KNSTRN: variants seen among roughly 807,000 people sequenced by gnomAD.
The protein encoded by KNSTRN is small kinetochore-associated protein.
Under a neutral mutation model 44.7 loss-of-function variants are expected in KNSTRN, and 38 were observed. That is an observed-to-expected ratio of 0.85 (90% CI 0.66 to 1.11). KNSTRN has a LOEUF of 1.11. Ranked by LOEUF, KNSTRN falls within the 50% of genes most tolerant of loss-of-function variation. KNSTRN has a pLI of 0.00. For synonymous variants in KNSTRN, 158 were observed against 148.1 expected (o/e 1.07, Z -0.48); for missense variants, 406 against 375.8 (o/e 1.08, Z -0.66).
At chr15:40,383,370 G>A (rs1478164639) in intron 2 of KNSTRN, 48 bp downstream of exon 2, 1 of 1,467,528 alleles carries the variant, frequency 6.8e-7, no homozygotes, top group Non-Finnish European at 9.5e-7. Context: ...GCCGGGGATG[G>A]TCTCGGGAGT....
chr15:40,387,102 A>G (rs2141273603), intron 3 of KNSTRN, 57 bp from the exon 4 acceptor site: 2 of 1,306,442 alleles, frequency 1.5e-6, no homozygotes, highest in East Asian at 4.6e-5. Context: ...GCCTGTTCAC[A>G]GCACACTTAA....
At position 40,382,923 on chromosome 15, in the gene KNSTRN, A is replaced by C; in HGVS notation, c.88A>C (p.Ser30Arg). 4 of 1,612,248 alleles carry C rather than the reference A, an allele frequency of 2.5e-6. No homozygotes were observed. Among genetic ancestry groups the C allele is most frequent in the Non-Finnish European group, 3.4e-6 (4 of 1,180,016 alleles). The change falls in exon 1 of 9, where the codon AGC becomes CGC. Residue 30 changes from serine to arginine, a missense_variant. Ser to Arg is a moderately radical substitution (Grantham distance 110). Transcript: ENST00000249776. Reference protein sequence around the residue: ...TECDSHPLPPSYRKFLFETQA... With the variant: ...TECDSHPLPPRYRKFLFETQA... ...GTGCGATTCCCACCCACTTCCGCCT[A>C]GCTACCGGAAGTTTCTATTTGAAAC... is the stretch of plus-strand genomic sequence containing the variant.
intron 2 of KNSTRN, 49 bp from the exon 3 acceptor site, chr15:40,386,313 A>G (rs199948606): frequency 1.0e-5 from 16 of 1,587,766 alleles, no homozygotes; most frequent in African/African-American, 5.4e-5. Context: ...CAGGGTTGCA[A>G]CTGTCGGGTC....
chr15:40,389,839 G>C lies in KNSTRN; in HGVS notation c.595G>C (p.Glu199Gln). Residue 199 changes from glutamate to glutamine, a missense_variant, in exon 6 of 9, where the codon GAG becomes CAG. Physicochemically the swap from Glu to Gln is conservative, Grantham distance 29. Transcript: ENST00000249776. ...TGTCTGTGCTGTGCTCCAATAGGGA[G>C]AGCTGAAGGACCTGACCCAGAAGGT... ...LHQKLTETQG[E>Q]LKDLTQKVEL... is the part of the protein sequence containing the mutation. The C allele has an allele frequency of 6.2e-7, 1 of 1,614,142 alleles. No individual in the cohort carries two copies. Among genetic ancestry groups the C allele is most frequent in the Non-Finnish European group, 8.5e-7 (1 of 1,179,952 alleles).
intron 2 of KNSTRN, 137 bp downstream of exon 2, chr15:40,383,459 G>T: frequency 1.6e-6 from 1 of 632,836 alleles, no homozygotes; most frequent in South Asian, 1.9e-5. Context: ...CCTATAACCA[G>T]GCTATGTAGG....
intron 8 of KNSTRN, among the ~76,000 whole-genome samples, chr15:40,392,906 C>T (rs1287491519): frequency 2.6e-5 from 4 of 152,044 alleles, no homozygotes; most frequent in Non-Finnish European, 4.4e-5. Context: ...CCACTGCACC[C>T]GGCAGGAAAA....
At position 40,389,937 on chromosome 15, in the gene KNSTRN, A is replaced by G. The variant is rs1889970432; in HGVS notation, c.685+8A>G. 1.2e-6 allele frequency: 2 copies of G among 1,608,250 alleles called. No individual in the cohort carries two copies. Among genetic ancestry groups the G allele is most frequent in the South Asian group, 2.2e-5 (2 of 90,962 alleles). ...GCAAGGGCCTTGATCCAGGTAAGAG[A>G]CAGCACACAGCTAGCCTCCTTTGAA... is the stretch of plus-strand genomic sequence containing the variant. On this transcript the variant is annotated splice_region_variant and intron_variant, in intron 6 of 8. Coordinates refer to ENST00000249776, the MANE Select transcript of KNSTRN (RefSeq NM_033286.4).
In KNSTRN at chr15:40,383,059, G is replaced by A. The variant is rs771050592; in HGVS notation, c.209+15G>A. On this transcript the variant is annotated intron_variant, in intron 1 of 8. Coordinates refer to ENST00000249776, the MANE Select transcript of KNSTRN (RefSeq NM_033286.4). Reference sequence around the variant, plus strand: ...CGGGCTCCTGGGTTCGGCTCTCCCGGGGCGAGGGACTGGGCTGGATGGGAG... The same window carrying A: ...CGGGCTCCTGGGTTCGGCTCTCCCGAGGCGAGGGACTGGGCTGGATGGGAG... The A allele has an allele frequency of 3.0e-5, 48 of 1,608,852 alleles. No individual in the cohort carries two copies. In the East Asian group the frequency reaches 1.1e-3, roughly 36 times the overall value.
chr15:40,388,711 G>A (rs890135382), intron 4 of KNSTRN, among the ~76,000 whole-genome samples: 15 of 149,052 alleles, frequency 1.0e-4, no homozygotes, highest in East Asian at 2.0e-4. Flanking sequence ...AAAAAAAAAT[G>A]CCTTTAAGTG....
Position 40,391,491 on chromosome 15 carries a change from A to C in KNSTRN, c.686-2A>C. ...TGAGATTGACTTTGTTGTATCCATC[A>C]GCTTTAGGCAGTGAGACCCTGGCAT... On this transcript the variant is annotated splice_acceptor_variant, in intron 6 of 8. Coordinates refer to ENST00000249776, the MANE Select transcript of KNSTRN (RefSeq NM_033286.4). LOFTEE classifies it high-confidence loss of function. The C allele has an allele frequency of 1.2e-6, 2 of 1,613,286 alleles. No individual in the cohort carries two copies.
At position 40,382,794 on chromosome 15, in the gene KNSTRN, G is replaced by T. The variant is rs777705635; in HGVS notation, c.-42G>T. ...AGACCTGGGGGCTCCAACACCTTTC[G>T]CTAGGTCTGGCTCTGGCCTCTGAGC... On this transcript the variant is annotated 5_prime_UTR_variant, in exon 1 of 9. Transcript: ENST00000249776. The T allele has an allele frequency of 1.5e-5, 24 of 1,569,758 alleles. No individual in the cohort carries two copies. Among genetic ancestry groups the T allele is most frequent in the Non-Finnish European group, 2.1e-5 (24 of 1,153,202 alleles).
At chr15:40,387,865 A>G (rs1889928432) in intron 4 of KNSTRN, among the ~76,000 whole-genome samples, 1 of 152,102 alleles carries the variant, frequency 6.6e-6, no homozygotes, top group Non-Finnish European at 1.5e-5. Context: ...AAAATTAGCC[A>G]GGCATGGTGG....
At chr15:40,391,612 C>A in intron 7 of KNSTRN, 58 bp downstream of exon 7, 2 of 1,357,008 alleles carry the variant, frequency 1.5e-6, no homozygotes, top group African/African-American at 1.4e-5. Flanking sequence ...CTCTGTAAAT[C>A]TAAGAAGGTC....
At chr15:40,386,293 C>G (rs1889900184) in intron 2 of KNSTRN, 69 bp from the exon 3 acceptor site, 1 of 1,473,172 alleles carries the variant, frequency 6.8e-7, no homozygotes, top group Non-Finnish European at 9.2e-7. Context: ...GAATGGGGCT[C>G]TGTTTGTTAC....
intron 4 of KNSTRN, among the ~76,000 whole-genome samples, chr15:40,387,933 G>A (rs149967995): frequency 1.5e-3 from 224 of 152,232 alleles, no homozygotes; most frequent in African/African-American, 5.1e-3. Context: ...ACTTCATCCC[G>A]GGAGGCAGAG....
intron 7 of KNSTRN, 130 bp from the exon 8 acceptor site, chr15:40,391,818 TG>T: frequency 1.3e-6 from 1 of 746,996 alleles, no homozygotes; most frequent in East Asian, 2.6e-5. Context: ...CTCGTTCTTC[TG>T]TTCTATACTT....
intron 2 of KNSTRN, among the ~76,000 whole-genome samples, chr15:40,385,413 A>G (rs965432668): frequency 3.3e-5 from 5 of 152,222 alleles, no homozygotes; most frequent in Non-Finnish European, 7.3e-5. Context: ...GAAACTCTAA[A>G]CTTAACAAAG....
chr15:40,384,310 C>T, intron 2 of KNSTRN: 1 of 330,172 alleles, frequency 3.0e-6, no homozygotes, highest in Non-Finnish European at 6.1e-6. Context: ...GGAGGCGGAG[C>T]TTGCAGTGAG....
intron 3 of KNSTRN, chr15:40,386,850 G>C (rs1179269034): frequency 3.8e-6 from 2 of 529,256 alleles, no homozygotes; most frequent in Non-Finnish European, 6.8e-6. Flanking sequence ...TAGTGTGTGT[G>C]TATGTCCCCA....
Sources: allele counts gnomAD v4.1 joint callset (sites outside exome capture counted in the v4.1 genomes callset), GRCh38; gene constraint gnomAD v4.1.1; transcripts MANE v1.5; gene names NCBI Gene and HGNC (gene_info 2026-07-23, HGNC 2026-07-21).